The following HERC3 variants were observed in gnomAD, a reference collection of about 807,000 sequenced individuals.
HERC3 encodes the protein probable E3 ubiquitin-protein ligase HERC3.
A neutral mutation model predicts 129.9 loss-of-function variants in HERC3; 58 were observed. That is an observed-to-expected ratio of 0.45 (90% CI 0.36 to 0.56). HERC3 has a LOEUF of 0.56. HERC3 is among the 20% of genes least tolerant of loss of function. The pLI is 0.00. For missense variants in HERC3, 835 were observed against 1,244.2 expected (o/e 0.67, Z 4.95); for synonymous variants, 430 against 451.0 (o/e 0.95, Z 0.59).
At chr4:88,579,123 C>T in the HERC3 span, among the ~76,000 whole-genome samples, 3 of 151,952 alleles carry the variant, frequency 2.0e-5, no homozygotes, top group South Asian at 6.2e-4. Flanking sequence ...TGGCTCATGC[C>T]TATAATCCCA....
chr4:88,577,614 T>C, the HERC3 span, among the ~76,000 whole-genome samples: 2 of 150,652 alleles, frequency 1.3e-5, no homozygotes, highest in South Asian at 4.2e-4. Flanking sequence ...TGTATATATA[T>C]ATAATAGGTT....
intron 3 of HERC3, among the ~76,000 whole-genome samples, chr4:88,619,760 G>T (rs1002244781): frequency 6.6e-6 from 1 of 152,108 alleles, no homozygotes; most frequent in Non-Finnish European, 1.5e-5. Flanking sequence ...AATTTGATAA[G>T]AAAAAGATAA....
intron 3 of HERC3, among the ~76,000 whole-genome samples, chr4:88,643,365 T>A (rs1728339841): frequency 6.6e-6 from 1 of 152,216 alleles, no homozygotes; most frequent in African/African-American, 2.4e-5. Flanking sequence ...AGTAGGATTC[T>A]TTTTTTGTAG....
chr4:88,665,565 A>G (rs1730959993), intron 12 of HERC3, among the ~76,000 whole-genome samples: 1 of 152,216 alleles, frequency 6.6e-6, no homozygotes, highest in Non-Finnish European at 1.5e-5. Flanking sequence ...TTCTTTACTT[A>G]GTCACTAATT....
Position 88,704,279 on chromosome 4 carries a change from G to A in HERC3, c.2839G>A (p.Glu947Lys). Reference protein sequence around the residue: ...NSNYNWEELEETAIYKGDYSA... With the variant: ...NSNYNWEELEKTAIYKGDYSA... ...CAACTACAACTGGGAAGAACTGGAA[G>A]AGGTAAGCACAAAAGATCCTTTAAC... The change falls in exon 24 of 26, where the codon GAG (glutamate) becomes AAG (lysine). Residue 947 changes from glutamate (E) to lysine (K), a missense_variant and splice_region_variant. By Grantham distance (56) the Glu-to-Lys change is moderately conservative. Coordinates refer to ENST00000402738, the MANE Select transcript of HERC3 (RefSeq NM_014606.3). The A allele has an allele frequency of 4.3e-6, 7 of 1,614,054 alleles. No individual in the cohort carries two copies. The highest frequency in any genetic ancestry group is 5.1e-6 in the Non-Finnish European group (6 of 1,179,960).
the HERC3 span, among the ~76,000 whole-genome samples, chr4:88,572,347 G>A: frequency 2.0e-5 from 3 of 151,850 alleles, no homozygotes; most frequent in Admixed American, 2.0e-4. Flanking sequence ...AGGATCGTTT[G>A]AGCCCAGGAG....
chr4:88,701,384 T>C (rs1735302104), intron 23 of HERC3, among the ~76,000 whole-genome samples: 1 of 152,238 alleles, frequency 6.6e-6, no homozygotes, highest in Non-Finnish European at 1.5e-5. Flanking sequence ...ATTTGTTGGC[T>C]AGTTATTGGT....
intron 23 of HERC3, chr4:88,697,653 A>G (rs146360395): frequency 6.5e-4 from 1,054 of 1,612,326 alleles, no homozygotes; most frequent in Non-Finnish European, 8.4e-4. Flanking sequence ...CACAGTCTCC[A>G]CCCTGCGCAC....
intron 4 of HERC3, among the ~76,000 whole-genome samples, chr4:88,650,405 T>A (rs1729145590): frequency 1.3e-5 from 2 of 152,232 alleles, no homozygotes; most frequent in South Asian, 4.1e-4. Flanking sequence ...CAAATCACTT[T>A]AAGCATTACA....
At chr4:88,643,842 C>T (rs1193921787) in intron 3 of HERC3, among the ~76,000 whole-genome samples, 1 of 152,080 alleles carries the variant, frequency 6.6e-6, no homozygotes, top group Non-Finnish European at 1.5e-5. Context: ...GCAGAGAGTT[C>T]TTAGACATGA....
chr4:88,602,043 G>A (rs1447578844), intron 2 of HERC3, among the ~76,000 whole-genome samples: 1 of 133,732 alleles, frequency 7.5e-6, no homozygotes. Context: ...GCGACAGAGC[G>A]AGACTCCGTC....
At chr4:88,573,708 G>T in the HERC3 span, among the ~76,000 whole-genome samples, 1 of 152,156 alleles carries the variant, frequency 6.6e-6, no homozygotes, top group Non-Finnish European at 1.5e-5. Flanking sequence ...AGAGTAAAAA[G>T]AAAGATAATG....
chr4:88,693,701 G>A (rs543183696), intron 23 of HERC3: 1 of 984,250 alleles, frequency 1.0e-6, no homozygotes, highest in East Asian at 1.1e-4. Context: ...TATGCATTGA[G>A]TGTACATTCT....
At position 88,662,558 on chromosome 4, in the gene HERC3, A is replaced by G; in HGVS notation, c.1271+3A>G. ...CACAACAATGCAAATACAATCAAGT[A>G]TGTGGCTGCTTGTCTTCATTTTTTT... On this transcript the variant is annotated splice_donor_region_variant and intron_variant, in intron 11 of 25. Coordinates refer to ENST00000402738, the MANE Select transcript of HERC3 (RefSeq NM_014606.3). The G allele has an allele frequency of 1.3e-6, 2 of 1,597,524 alleles. No individual in the cohort carries two copies. The highest frequency in any genetic ancestry group is 1.7e-6 in the Non-Finnish European group (2 of 1,175,882).
chr4:88,683,724 ATTC>A (rs1442065834), intron 21 of HERC3, among the ~76,000 whole-genome samples: 3 of 152,216 alleles, frequency 2.0e-5, no homozygotes. Context: ...CCATAAACAT[ATTC>A]TTCTTTTAAG....
At chr4:88,704,667 A>G (rs1735621178) in intron 25 of HERC3, 57 bp downstream of exon 25, 4 of 1,009,636 alleles carry the variant, frequency 4.0e-6, no homozygotes, top group South Asian at 1.3e-5. Flanking sequence ...TACATACAGT[A>G]TAGGATGACA....
In HERC3 at chr4:88,706,780, C is replaced by T; in HGVS notation, c.2973C>T (p.Pro991=). ...LLFLTGSDRI[P]IYGMASLQIV... The stretch of plus-strand genomic sequence containing the variant: ...TCCTGACAGGCAGCGATCGGATTCC[C>T]ATCTACGGCATGGCCAGTCTGCAGA... Residue 991 remains proline, a synonymous_variant, in exon 26 of 26, where the codon CCC becomes CCT. Transcript: ENST00000402738. 1.2e-6 allele frequency: 2 copies of T among 1,614,172 alleles called. No individual in the cohort carries two copies. The highest frequency in any genetic ancestry group is 1.7e-6 in the Non-Finnish European group (2 of 1,180,026).
chr4:88,673,074 A>G (rs1170778621), intron 16 of HERC3, among the ~76,000 whole-genome samples: 1 of 152,220 alleles, frequency 6.6e-6, no homozygotes, highest in Admixed American at 6.5e-5. Flanking sequence ...CATTATCTGC[A>G]CTTAAAAACC....
In HERC3 at chr4:88,653,876, A is replaced by T. The variant is rs184249922; in HGVS notation, c.686-166A>T. On this transcript the variant is annotated intron_variant, in intron 6 of 25. Coordinates refer to ENST00000402738, the MANE Select transcript of HERC3 (RefSeq NM_014606.3). ...GTAGGGAAACCATGAGGTAGGTTTT[A>T]GGTAAATTAAAACTGAGAAGTCTGT... Among the ~76,000 whole-genome samples the T allele has an allele frequency of 8.6e-5, 13 of 151,456 alleles. No individual in the cohort carries two copies. In the East Asian group the frequency reaches 2.6e-3, roughly 30 times the overall value.
Sources: gnomAD v4.1 joint callset for allele counts (sites outside exome capture counted in the v4.1 genomes callset) on GRCh38, gnomAD v4.1.1 for gene constraint, MANE v1.5 for transcripts, NCBI Gene and HGNC (gene_info 2026-07-23, HGNC 2026-07-21) for gene names.